The following NOM1 variants were observed in gnomAD, a reference collection of about 807,000 sequenced individuals.
NOM1 encodes the protein nucleolar MIF4G domain-containing protein 1.
A neutral mutation model predicts 73.3 loss-of-function variants in NOM1; 58 were observed. That is an observed-to-expected ratio of 0.79 (90% CI 0.64 to 0.99). The LOEUF is 0.99. Among genes scored for constraint, NOM1 ranks in the 50% least tolerant of loss-of-function variants. The pLI, the probability that NOM1 is intolerant of heterozygous loss-of-function variation, is 0.00. For missense variants in NOM1, 1,226 were observed against 1,131.9 expected, an observed-to-expected ratio of 1.08 and a Z score of -1.19; for synonymous variants, 487 against 446.8, an observed-to-expected ratio of 1.09 and a Z score of -1.14.
At chr7:156,957,774 C>CAAAAAAAAAA (rs10549596) in intron 3 of NOM1, among the ~76,000 whole-genome samples, 8 of 115,538 alleles carry the variant, frequency 6.9e-5, no homozygotes, top group East Asian at 3.3e-4. Flanking sequence ...GACTCCGTCT[C>CAAAAAAAAAA]AAAAAAAAAA....
chr7:156,968,268 C>T (rs765560353), intron 9 of NOM1, among the ~76,000 whole-genome samples: 1 of 152,224 alleles, frequency 6.6e-6, no homozygotes, highest in Non-Finnish European at 1.5e-5. Context: ...ATGCTACCAC[C>T]GATGAGCGGG....
At position 156,970,904 on chromosome 7, in the gene NOM1, A is replaced by C. The variant is rs1458714975; in HGVS notation, c.*1201A>C. On this transcript the variant is annotated 3_prime_UTR_variant, in exon 11 of 11. Transcript: ENST00000275820. ...AGATTGTAAATGTACCATCTTAAAC[A>C]ACTCTGAGGTCACCAAACAGTAGTT... 1.8e-5 allele frequency: 2 copies of C among 109,358 alleles called. No homozygotes were observed. Among genetic ancestry groups the C allele is most frequent in the Non-Finnish European group, 4.3e-5 (2 of 46,662 alleles). The allele number at this position is 109,358 out of a possible 1,614,324, so 6.8% of individuals were successfully genotyped here.
At chr7:156,966,108 A>G (rs1188474534) in intron 7 of NOM1, 162 bp from the exon 8 acceptor site, 11 of 778,108 alleles carry the variant, frequency 1.4e-5, no homozygotes, top group Non-Finnish European at 2.1e-5. Flanking sequence ...AGGTTGTGAC[A>G]GGGCTGGGCC....
intron 3 of NOM1, among the ~76,000 whole-genome samples, chr7:156,954,628 T>C (rs1022936857): frequency 1.4e-5 from 2 of 145,594 alleles, no homozygotes; most frequent in Non-Finnish European, 3.0e-5. Flanking sequence ...CACCTCATCC[T>C]CCAGAGTAGC....
intron 2 of NOM1, 84 bp downstream of exon 2, chr7:156,952,682 TAGA>T (rs1241541997): frequency 6.9e-7 from 1 of 1,442,744 alleles, no homozygotes; most frequent in African/African-American, 1.4e-5. Flanking sequence ...GCAATTCAAA[TAGA>T]AGTGATGGGG....
At chr7:156,954,903 A>G (rs74670608) in intron 3 of NOM1, among the ~76,000 whole-genome samples, 10,670 of 152,176 alleles carry the variant, frequency 0.07, 442 homozygotes, top group East Asian at 0.12. Flanking sequence ...TTCTCCCTTA[A>G]CACTGATTTA....
chr7:156,966,853 A>G (rs1278000532), intron 8 of NOM1, 108 bp from the exon 9 acceptor site: 2 of 1,208,862 alleles, frequency 1.7e-6, no homozygotes, highest in Non-Finnish European at 2.3e-6. Flanking sequence ...GATGTTTAGA[A>G]TATTAAAAAT....
intron 9 of NOM1, among the ~76,000 whole-genome samples, chr7:156,967,542 T>TC (rs55907527): frequency 0.17 from 25,943 of 151,244 alleles, 2,334 homozygotes; most frequent in East Asian, 0.28. Flanking sequence ...TCTTTTTTCT[T>TC]CCCCCCCCAA....
In NOM1 at chr7:156,972,050, TAAG is replaced by T. The variant is rs1170373339; in HGVS notation, c.*2348_*2350del. On this transcript the variant is annotated 3_prime_UTR_variant, in exon 11 of 11. Coordinates refer to ENST00000275820, the MANE Select transcript of NOM1 (RefSeq NM_138400.2). Reference sequence around the variant, plus strand: ...CTGGACTTGTAGCTTGATAGTGAAATAAGGAGCTTGGGCTAAGGTATAAATCAA... The same window carrying T: ...CTGGACTTGTAGCTTGATAGTGAAATGAGCTTGGGCTAAGGTATAAATCAA... 6.6e-6 allele frequency: 1 copy of T among 152,216 alleles called. No homozygotes were observed. Among genetic ancestry groups the T allele is most frequent in the Non-Finnish European group, 1.5e-5 (1 of 68,046 alleles). 9.4% of individuals were successfully genotyped at this position (152,216 alleles called of 1,614,324 possible). A position where few individuals can be genotyped will look rare whatever the true frequency, so the allele number is the denominator to read the frequency against.
intron 5 of NOM1, 124 bp from the exon 6 acceptor site, chr7:156,962,884 C>A: frequency 9.4e-7 from 1 of 1,061,574 alleles, no homozygotes; most frequent in Non-Finnish European, 1.3e-6. Flanking sequence ...TCCCAATTGC[C>A]AGTGACCCAT....
intron 3 of NOM1, among the ~76,000 whole-genome samples, chr7:156,958,219 C>G (rs1021968603): frequency 3.3e-5 from 5 of 152,178 alleles, no homozygotes; most frequent in African/African-American, 1.2e-4. Context: ...TCTGGATGGC[C>G]CCTGTTGAAG....
intron 3 of NOM1, 148 bp from the exon 4 acceptor site, chr7:156,959,703 C>T (rs771016399): frequency 3.7e-5 from 27 of 726,114 alleles, no homozygotes; most frequent in Non-Finnish European, 5.4e-5. Context: ...GCACTCTGGC[C>T]GGCTGCTCTG....
At chr7:156,958,156 C>G (rs1290418834) in intron 3 of NOM1, among the ~76,000 whole-genome samples, 1 of 151,090 alleles carries the variant, frequency 6.6e-6, no homozygotes, top group East Asian at 1.9e-4. Flanking sequence ...TCTGGTGGAT[C>G]TCAGCCTTGC....
intron 4 of NOM1, 120 bp downstream of exon 4, chr7:156,960,294 C>G (rs749138852): frequency 1.3e-5 from 10 of 767,636 alleles, no homozygotes; most frequent in Non-Finnish European, 2.1e-5. Flanking sequence ...TCTGTTTTTT[C>G]TGTCTCATCC....
chr7:156,961,905 A>AGT (rs151303108), intron 4 of NOM1, among the ~76,000 whole-genome samples: 6,936 of 152,058 alleles, frequency 0.046, 208 homozygotes, highest in South Asian at 0.099. Flanking sequence ...AGAAGGGAAA[A>AGT]GAGATCTCTG....
chr7:156,962,873 G>T, intron 5 of NOM1, 135 bp from the exon 6 acceptor site: 1 of 957,352 alleles, frequency 1.0e-6, no homozygotes, highest in Non-Finnish European at 1.5e-6. Flanking sequence ...CAGGCTAACC[G>T]TCCCAATTGC....
chr7:156,953,193 GGCTCA>G (rs1586564572), intron 2 of NOM1, among the ~76,000 whole-genome samples: 2 of 152,022 alleles, frequency 1.3e-5, no homozygotes, highest in East Asian at 3.9e-4. Context: ...GCGCTATCTC[GGCTCA>G]CTGCAACCTC....
At position 156,960,187 on chromosome 7, in the gene NOM1, C is replaced by T. The variant is rs201310763; in HGVS notation, c.1632+13C>T. The T allele has an allele frequency of 1.2e-5, 19 of 1,596,030 alleles. No individual in the cohort carries two copies. In the East Asian group the frequency reaches 1.6e-4, roughly 13 times the overall value. Reference sequence around the variant, plus strand: ...GGACCAGACCAGGGTACGCGTGCGACGCTTGATCTGCTTCCTAAGTCCCTA... The same window carrying T: ...GGACCAGACCAGGGTACGCGTGCGATGCTTGATCTGCTTCCTAAGTCCCTA... On this transcript the variant is annotated intron_variant, in intron 4 of 10. Coordinates refer to ENST00000275820, the MANE Select transcript of NOM1 (RefSeq NM_138400.2).
chr7:156,956,439 T>A (rs1804729252), intron 3 of NOM1, among the ~76,000 whole-genome samples: 2 of 152,226 alleles, frequency 1.3e-5, no homozygotes, highest in African/African-American at 4.8e-5. Context: ...TAAGCGCTCA[T>A]TGAAGGCTCA....
Sources: allele counts gnomAD v4.1 joint callset (sites outside exome capture counted in the v4.1 genomes callset), GRCh38; gene constraint gnomAD v4.1.1; transcripts MANE v1.5; gene names NCBI Gene and HGNC (gene_info 2026-07-23, HGNC 2026-07-21).